BMP5: variants seen among roughly 807,000 people sequenced by gnomAD.
BMP5 encodes bone morphogenetic protein 5.
In BMP5, 23 loss-of-function variants were observed where a neutral mutation model predicts 46.6. That is an observed-to-expected ratio of 0.49 (90% CI 0.35 to 0.70). BMP5 has a LOEUF of 0.70. BMP5 is among the 30% of genes least tolerant of loss of function. BMP5 has a pLI of 0.00. For synonymous variants in BMP5, 204 were observed against 191.9 expected (o/e 1.06, Z -0.52); for missense variants, 545 against 565.6 (o/e 0.96, Z 0.37).
Position 55,768,135 on chromosome 6 carries a change from A to G in BMP5, c.1027+5914T>C, listed in dbSNP as rs372061459. Among the ~76,000 whole-genome samples the G allele has an allele frequency of 3.3e-5, 5 of 151,978 alleles. No individual in the cohort carries two copies. The East Asian group carries it at 9.7e-4, about 29-fold the overall frequency. On this transcript the variant is annotated intron_variant, in intron 4 of 6. Transcript: ENST00000370830. ...ATAATATAAAACATTCGATGGAAAT[A>G]ACTTCAATTAATTATTTTCTTGTTT...
In BMP5 at chr6:55,799,791, A is replaced by T. The variant is rs181923260; in HGVS notation, c.684-5364T>A. Among the ~76,000 whole-genome samples the T allele has an allele frequency of 2.6e-5, 4 of 152,284 alleles. No individual in the cohort carries two copies. In the East Asian group the frequency reaches 7.7e-4, roughly 30 times the overall value. ...ACTTGCTGCTGCCCGAGATACAGAC[A>T]TGGCTTCTGTTCCTAAGTCCCTATT... On this transcript the variant is annotated intron_variant, in intron 2 of 6. Coordinates refer to ENST00000370830, the MANE Select transcript of BMP5 (RefSeq NM_021073.4).
intron 2 of BMP5, among the ~76,000 whole-genome samples, chr6:55,816,848 C>G (rs1776283736): frequency 6.6e-6 from 1 of 151,552 alleles, no homozygotes; most frequent in African/African-American, 2.4e-5. Context: ...CACTGTAAAG[C>G]CTTTGTAAGA....
chr6:55,766,252 T>C (rs937409229), intron 4 of BMP5, among the ~76,000 whole-genome samples: 1 of 151,794 alleles, frequency 6.6e-6, no homozygotes, highest in Non-Finnish European at 1.5e-5. Flanking sequence ...ACATCTCTGA[T>C]TTTTTTTGGC....
At chr6:55,776,780 T>G (rs2127522304) in intron 3 of BMP5, among the ~76,000 whole-genome samples, 1 of 152,108 alleles carries the variant, frequency 6.6e-6, no homozygotes, top group East Asian at 1.9e-4. Context: ...AAATAAGCAC[T>G]TAACAAGAAG....
chr6:55,845,611 A>G (rs1777079772), intron 1 of BMP5, among the ~76,000 whole-genome samples: 1 of 151,934 alleles, frequency 6.6e-6, no homozygotes. Context: ...CAACATATGG[A>G]CCTTGATTAA....
At chr6:55,776,396 G>A (rs1775172273) in intron 3 of BMP5, among the ~76,000 whole-genome samples, 2 of 151,574 alleles carry the variant, frequency 1.3e-5, no homozygotes, top group South Asian at 2.1e-4. Context: ...GTTTATTCAG[G>A]TGTAGCACTT....
At chr6:55,786,310 T>C (rs1338463141) in intron 3 of BMP5, among the ~76,000 whole-genome samples, 1 of 151,728 alleles carries the variant, frequency 6.6e-6, no homozygotes, top group Non-Finnish European at 1.5e-5. Flanking sequence ...TACCATTCCA[T>C]GATGCAGCAA....
At chr6:55,769,292 T>A (rs1305064507) in intron 4 of BMP5, among the ~76,000 whole-genome samples, 1 of 151,950 alleles carries the variant, frequency 6.6e-6, no homozygotes, top group Admixed American at 6.6e-5. Context: ...TCTACTCTAG[T>A]AAATAAACTT....
intron 1 of BMP5, among the ~76,000 whole-genome samples, chr6:55,866,267 C>T (rs2127555194): frequency 6.6e-6 from 1 of 152,234 alleles, no homozygotes; most frequent in Non-Finnish European, 1.5e-5. Flanking sequence ...TGGCTCTGGC[C>T]TCAAGGTTTA....
chr6:55,846,015 A>T (rs1250287967), intron 1 of BMP5, among the ~76,000 whole-genome samples: 1 of 151,996 alleles, frequency 6.6e-6, no homozygotes, highest in Non-Finnish European at 1.5e-5. Context: ...CTTGGAATTT[A>T]GCTGGAAGAG....
At chr6:55,805,673 A>T (rs904854266) in intron 2 of BMP5, among the ~76,000 whole-genome samples, 2 of 152,290 alleles carry the variant, frequency 1.3e-5, no homozygotes, top group Admixed American at 6.5e-5. Context: ...ACTAATTTAC[A>T]TTCCCACCAA....
chr6:55,872,724 T>C (rs777704223), intron 1 of BMP5, among the ~76,000 whole-genome samples: 1 of 151,810 alleles, frequency 6.6e-6, no homozygotes, highest in Non-Finnish European at 1.5e-5. Flanking sequence ...GTAACATACA[T>C]ATGCTTCTTT....
Position 55,804,769 on chromosome 6 carries a change from T to C in BMP5, c.684-10342A>G, listed in dbSNP as rs6916413. Reference sequence around the variant, plus strand: ...TAAAGTTTTATATCTGTGAATATGGTTATGATGTGGAAAGGACAAATACTG... The same window carrying C: ...TAAAGTTTTATATCTGTGAATATGGCTATGATGTGGAAAGGACAAATACTG... On this transcript the variant is annotated intron_variant, in intron 2 of 6. Transcript: ENST00000370830. Among the ~76,000 whole-genome samples, 1,424 of 152,214 alleles carry C rather than the reference T, an allele frequency of 9.4e-3. 24 individuals are homozygous for C. The highest frequency in any genetic ancestry group is 0.033 in the African/African-American group (1,364 of 41,540).
chr6:55,811,795 T>C (rs943724015), intron 2 of BMP5, among the ~76,000 whole-genome samples: 3 of 152,250 alleles, frequency 2.0e-5, no homozygotes, highest in Middle Eastern at 3.4e-3. Flanking sequence ...AGTGAACTCC[T>C]CTCAGAGGCT....
At chr6:55,836,627 T>TACACACACAC (rs71874169) in intron 1 of BMP5, among the ~76,000 whole-genome samples, 73 of 127,364 alleles carry the variant, frequency 5.7e-4, no homozygotes, top group Middle Eastern at 4.4e-3. Context: ...AACACATACA[T>TACACACACAC]ACATACACAC....
chr6:55,756,516 C>T (rs576369184), intron 6 of BMP5, among the ~76,000 whole-genome samples: 32 of 152,118 alleles, frequency 2.1e-4, no homozygotes, highest in Admixed American at 7.9e-4. Context: ...AGAGCCAGAA[C>T]ACAGTTCCCC....
chr6:55,827,351 C>T (rs186158338), intron 1 of BMP5, among the ~76,000 whole-genome samples: 1 of 151,550 alleles, frequency 6.6e-6, no homozygotes, highest in African/African-American at 2.4e-5. Flanking sequence ...AGCTAGATGT[C>T]ATTGTGGTTT....
chr6:55,874,510 G>T lies in BMP5; in HGVS notation c.356C>A (p.Ser119Tyr). 3 of 1,613,470 alleles carry T rather than the reference G, an allele frequency of 1.9e-6. No individual in the cohort carries two copies. The highest frequency in any genetic ancestry group is 2.5e-6 in the Non-Finnish European group (3 of 1,179,662). Residue 119 changes from serine to tyrosine, a missense_variant, in exon 1 of 7, where the codon TCT becomes TAT. Ser to Tyr is a moderately radical substitution (Grantham distance 144). Coordinates refer to ENST00000370830, the MANE Select transcript of BMP5 (RefSeq NM_021073.4). ...TATGCGACGAGGATACCCATTGGGA[G>T]AGGCTGGGTATCCCTTTCTTGCCCC... ...TRGARKGYPA[S>Y]PNGYPRRIQL...
chr6:55,844,838 G>A (rs1399219956), intron 1 of BMP5, among the ~76,000 whole-genome samples: 1 of 151,790 alleles, frequency 6.6e-6, no homozygotes, highest in East Asian at 1.9e-4. Context: ...TAATAATGTT[G>A]TTTAGAACCA....
Sources: allele counts gnomAD v4.1 joint callset (sites outside exome capture counted in the v4.1 genomes callset), GRCh38; gene constraint gnomAD v4.1.1; transcripts MANE v1.5; gene names NCBI Gene and HGNC (gene_info 2026-07-23, HGNC 2026-07-21).